The following WT1 variants were observed in gnomAD, a reference collection of about 807,000 sequenced individuals.
WT1 encodes the protein WT1 transcription factor.
Under a neutral mutation model 60.8 loss-of-function variants are expected in WT1, and 8 were observed. The ratio of observed to expected loss-of-function variants is 0.13; its 90% CI spans 0.08 to 0.24. The LOEUF is 0.24. WT1 is among the 10% of genes least tolerant of loss of function. The pLI is 1.00. For missense variants in WT1, 568 were observed against 711.8 expected (o/e 0.80, Z 2.30); for synonymous variants, 312 against 297.1 (o/e 1.05, Z -0.52).
rs906718942 is a variant in WT1, at chr11:32,388,038, G to A, written c.*1020C>T. On this transcript the variant is annotated 3_prime_UTR_variant, in exon 10 of 10. Coordinates refer to ENST00000452863, the MANE Select transcript of WT1 (RefSeq NM_024426.6). Reference sequence around the variant, plus strand: ...CACACACACACACACACACACACACGACCATCTTTAAACAATGGATTTCCT... The same window carrying A: ...CACACACACACACACACACACACACAACCATCTTTAAACAATGGATTTCCT... The A allele has an allele frequency of 1.8e-5, 4 of 225,110 alleles. No individual in the cohort carries two copies. The highest frequency in any genetic ancestry group is 7.2e-5 in the African/African-American group (3 of 41,410). The allele number at this position is 225,110 out of a possible 1,614,324, so 13.9% of individuals were successfully genotyped here.
At position 32,435,019 on chromosome 11, in the gene WT1, C is replaced by A. The variant is rs1414764839; in HGVS notation, c.342G>T (p.Ala114=). Residue 114 remains alanine (A), a synonymous_variant, in exon 1 of 10, where the codon GCG becomes GCT. Transcript: ENST00000452863. The stretch of plus-strand genomic sequence containing the variant: ...ACCCGTAAGCCGAAGCGCCCGGGGG[C>A]GCAAAGTCCAGCACCGGCGCCCACT... 2 of 1,484,658 alleles carry A rather than the reference C, an allele frequency of 1.3e-6. No individual in the cohort carries two copies. Among genetic ancestry groups the A allele is most frequent in the Admixed American group, 2.4e-5 (1 of 40,826 alleles). The allele number at this position is 1,484,658 out of a possible 1,614,324, so 92.0% of individuals were successfully genotyped here.
intron 6 of WT1, among the ~76,000 whole-genome samples, chr11:32,397,820 T>C (rs1013249991): frequency 6.6e-6 from 1 of 152,194 alleles, no homozygotes; most frequent in Non-Finnish European, 1.5e-5. Flanking sequence ...TAATAGGCCA[T>C]AGTGTCTCAG....
At chr11:32,389,737 T>C (rs1403096114) in intron 9 of WT1, among the ~76,000 whole-genome samples, 1 of 150,196 alleles carries the variant, frequency 6.7e-6, no homozygotes, top group East Asian at 1.9e-4. Flanking sequence ...TATGTGTTGT[T>C]TTTTTTTTTC....
intron 7 of WT1, 81 bp from the exon 8 acceptor site, chr11:32,392,836 G>T: frequency 7.7e-7 from 1 of 1,307,106 alleles, no homozygotes; most frequent in Non-Finnish European, 1.1e-6. Flanking sequence ...TACTAGGACT[G>T]AACAGATCCC....
Position 32,435,495 on chromosome 11 carries a change from C to A in WT1, c.-135G>T. On this transcript the variant is annotated 5_prime_UTR_variant, in exon 1 of 10. Coordinates refer to ENST00000452863, the MANE Select transcript of WT1 (RefSeq NM_024426.6). Reference sequence around the variant, plus strand: ...GGACAGGCGGTCGGGTTGCGGAGAGCCCCCGGGTGTGGGCGCTGCCTTGAA... The same window carrying A: ...GGACAGGCGGTCGGGTTGCGGAGAGACCCCGGGTGTGGGCGCTGCCTTGAA... 1 of 1,375,102 alleles carries A rather than the reference C, an allele frequency of 7.3e-7. No individual in the cohort carries two copies. Among genetic ancestry groups the A allele is most frequent in the Non-Finnish European group, 9.8e-7 (1 of 1,024,548 alleles). The allele number at this position is 1,375,102 out of a possible 1,614,324, so 85.2% of individuals were successfully genotyped here.
chr11:32,435,197 G>A lies in WT1; in HGVS notation c.164C>T (p.Ala55Val), dbSNP rs919807457. The A allele has an allele frequency of 6.5e-7, 1 of 1,531,018 alleles. No homozygotes were observed. Among genetic ancestry groups the A allele is most frequent in the African/African-American group, 1.4e-5 (1 of 72,798 alleles). 94.8% of individuals were successfully genotyped at this position (1,531,018 alleles called of 1,614,324 possible). A position where few individuals can be genotyped will look rare whatever the true frequency, so the allele number is the denominator to read the frequency against. The change falls in exon 1 of 10, where the codon GCT becomes GTT. Residue 55 changes from alanine to valine, a missense_variant. By Grantham distance (64) the Ala-to-Val change is moderately conservative. Coordinates refer to ENST00000452863, the MANE Select transcript of WT1 (RefSeq NM_024426.6). ...GCTCCTCCGGCCCTGGAGACGTTCA[G>A]CGCTGGCCTCGGCGGCGCCTAACTT...
At chr11:32,428,269 G>A (rs1590395068) in intron 2 of WT1, among the ~76,000 whole-genome samples, 1 of 152,342 alleles carries the variant, frequency 6.6e-6, no homozygotes, top group East Asian at 1.9e-4. Context: ...CACCAAAAAG[G>A]CCCTCCGGAC....
chr11:32,392,305 C>T (rs1449324364), intron 8 of WT1, among the ~76,000 whole-genome samples: 1 of 152,216 alleles, frequency 6.6e-6, no homozygotes, highest in Non-Finnish European at 1.5e-5. Flanking sequence ...CACAGAGGTC[C>T]AGCTTCTCAC....
intron 6 of WT1, among the ~76,000 whole-genome samples, chr11:32,397,792 A>G (rs1350227149): frequency 6.6e-6 from 1 of 152,206 alleles, no homozygotes; most frequent in Non-Finnish European, 1.5e-5. Flanking sequence ...GCAGTGACAT[A>G]CAACACAACA....
intron 7 of WT1, 108 bp from the exon 8 acceptor site, chr11:32,392,863 T>C (rs1458888984): frequency 2.1e-6 from 2 of 954,628 alleles, no homozygotes; most frequent in African/African-American, 3.2e-5. Flanking sequence ...CCTAAGGCAC[T>C]TCGCTGGAGC....
chr11:32,391,290 C>T lies in WT1; in HGVS notation c.1447+682G>A, dbSNP rs1005464091. 2.0e-5 allele frequency among the ~76,000 whole-genome samples: 3 copies of T among 152,180 alleles called. No individual in the cohort carries two copies. In the South Asian group the frequency reaches 6.2e-4, roughly 32 times the overall value. On this transcript the variant is annotated intron_variant, in intron 9 of 9. Coordinates refer to ENST00000452863, the MANE Select transcript of WT1 (RefSeq NM_024426.6). ...AGCCACCACAGCCGGTCCTACCTTA[C>T]TCTACTTACAAGCATGTTGTGAAGA...
At chr11:32,389,223 C>A (rs1851748375) in intron 9 of WT1, 44 bp from the exon 10 acceptor site, 2 of 1,613,562 alleles carry the variant, frequency 1.2e-6, no homozygotes, top group Admixed American at 1.7e-5. Flanking sequence ...AACAAAGAGA[C>A]AGGCACAAGT....
intron 5 of WT1, chr11:32,400,357 A>G: frequency 2.2e-6 from 1 of 446,422 alleles, no homozygotes; most frequent in South Asian, 2.1e-5. Context: ...CAAGTTGTTT[A>G]CCATCTAGAC....
chr11:32,401,608 T>C (rs1258324087), intron 5 of WT1, among the ~76,000 whole-genome samples: 2 of 152,106 alleles, frequency 1.3e-5, no homozygotes, highest in Admixed American at 6.5e-5. Flanking sequence ...TGGTGCGATC[T>C]TGGCTCACTG....
chr11:32,412,678 A>G (rs573799369), intron 5 of WT1, among the ~76,000 whole-genome samples: 1 of 128,200 alleles, frequency 7.8e-6, no homozygotes, highest in East Asian at 3.5e-4. Flanking sequence ...TCATACTCAG[A>G]AAGATTCCCC....
chr11:32,396,168 G>A (rs1162950731), intron 7 of WT1, 89 bp downstream of exon 7: 2 of 1,585,302 alleles, frequency 1.3e-6, no homozygotes, highest in African/African-American at 2.7e-5. Flanking sequence ...TTCCATCCTG[G>A]AAATAACCTG....
intron 6 of WT1, among the ~76,000 whole-genome samples, chr11:32,399,716 T>A (rs533787771): frequency 2.0e-5 from 3 of 152,284 alleles, no homozygotes; most frequent in Non-Finnish European, 2.9e-5. Context: ...AAGGAGAGGA[T>A]TCTGTTAGGA....
chr11:32,432,303 G>T (rs1464001301), intron 1 of WT1, among the ~76,000 whole-genome samples: 2 of 152,122 alleles, frequency 1.3e-5, no homozygotes, highest in African/African-American at 4.8e-5. Context: ...CCACATTTTT[G>T]AGAGTTGATG....
intron 3 of WT1, among the ~76,000 whole-genome samples, chr11:32,426,717 G>A (rs1383663325): frequency 6.6e-6 from 1 of 152,128 alleles, no homozygotes; most frequent in Non-Finnish European, 1.5e-5. Context: ...TCTCCAGTCC[G>A]CGCGCCTCAG....
Sources: gnomAD v4.1 joint callset for allele counts (sites outside exome capture counted in the v4.1 genomes callset) on GRCh38, gnomAD v4.1.1 for gene constraint, MANE v1.5 for transcripts, NCBI Gene and HGNC (gene_info 2026-07-23, HGNC 2026-07-21) for gene names.